Variants in TEF observed in about 807,000 individuals in gnomAD.
The protein encoded by TEF is thyrotroph embryonic factor.
TEF carries 3 observed loss-of-function variants against 20.8 expected under a neutral mutation model. The ratio of observed to expected loss-of-function variants is 0.14; its 90% CI spans 0.07 to 0.37. The LOEUF (loss-of-function observed/expected upper bound fraction) is 0.37, where lower values mean the gene tolerates loss of function less well. Among genes scored for constraint, TEF ranks in the 10% least tolerant of loss-of-function variants. The pLI is 1.00. For missense variants in TEF, 296 were observed against 397.9 expected (o/e 0.74, Z 2.18); for synonymous variants, 180 against 171.1 (o/e 1.05, Z -0.41).
At chr22:41,378,562 T>C (rs2036976273), upstream of TEF, among the ~76,000 whole-genome samples, 1 of 152,082 alleles carries the variant, frequency 6.6e-6, no homozygotes, top group East Asian at 1.9e-4. Flanking sequence ...GCCAGTATGG[T>C]CTCGATCTCC....
chr22:41,394,905 C>T (rs918341033), intron 3 of TEF, among the ~76,000 whole-genome samples: 1 of 152,202 alleles, frequency 6.6e-6, no homozygotes, highest in African/African-American at 2.4e-5. Context: ...GAACCTCCCT[C>T]CCGGGGAGGT....
intron 2 of TEF, among the ~76,000 whole-genome samples, chr22:41,388,729 T>A (rs759242481): frequency 9.9e-5 from 15 of 152,152 alleles, no homozygotes; most frequent in Non-Finnish European, 1.9e-4. Flanking sequence ...GAGACATGGC[T>A]CCTGTTGCAG....
chr22:41,381,944 A>G lies in TEF; in HGVS notation c.-101A>G. ...CGGGGGCGCCATTGGGCGCCTGCGC[A>G]GTAGCTGCCCGTGTCGGCAGCTGCA... is the stretch of plus-strand genomic sequence containing the variant. On this transcript the variant is annotated 5_prime_UTR_variant, in exon 1 of 4. Coordinates refer to ENST00000266304, the MANE Select transcript of TEF (RefSeq NM_003216.4). 8.2e-7 allele frequency: 1 copy of G among 1,225,796 alleles called. No individual in the cohort carries two copies. Among genetic ancestry groups the G allele is most frequent in the Non-Finnish European group, 1.0e-6 (1 of 984,666 alleles). The allele number at this position is 1,225,796 out of a possible 1,614,324, so 75.9% of individuals were successfully genotyped here. A position where few individuals can be genotyped will look rare whatever the true frequency, so the allele number is the denominator to read the frequency against.
chr22:41,371,565 T>G (rs1734457382), intron 1 of TEF, among the ~76,000 whole-genome samples: 1 of 152,220 alleles, frequency 6.6e-6, no homozygotes, highest in East Asian at 1.9e-4. Flanking sequence ...TTGCCAAGAT[T>G]AAGTGAGTTA....
intron 1 of TEF, among the ~76,000 whole-genome samples, chr22:41,384,030 G>A (rs2037066277): frequency 6.6e-6 from 1 of 152,222 alleles, no homozygotes; most frequent in Non-Finnish European, 1.5e-5. Flanking sequence ...ATTTGTATTA[G>A]AAAGCCATGA....
chr22:41,394,081 C>T lies in TEF; in HGVS notation c.476-15C>T, dbSNP rs760626763. 2.2e-5 allele frequency: 36 copies of T among 1,612,472 alleles called. No homozygotes were observed. Among genetic ancestry groups the T allele is most frequent in the Non-Finnish European group, 3.1e-5 (36 of 1,179,112 alleles). On this transcript the variant is annotated splice_polypyrimidine_tract_variant and intron_variant, in intron 2 of 3. Coordinates refer to ENST00000266304, the MANE Select transcript of TEF (RefSeq NM_003216.4). ...AGTGGGCTGCTTCGGGACCACCTGTCTCTGTGTCTTTTAGAATCTTCCCTG... is the reference window on the plus strand; with the variant it reads ...AGTGGGCTGCTTCGGGACCACCTGTTTCTGTGTCTTTTAGAATCTTCCCTG...
chr22:41,382,840 A>C (rs911027022), intron 1 of TEF: 1 of 467,174 alleles, frequency 2.1e-6, no homozygotes, highest in East Asian at 7.0e-5. Flanking sequence ...TGGGCCAAGC[A>C]GAGAAACGAT....
chr22:41,387,556 G>A lies in TEF; in HGVS notation c.363G>A (p.Leu121=). Residue 121 remains leucine (L), a synonymous_variant, in exon 2 of 4, where the codon CTG becomes CTA. Coordinates refer to ENST00000266304, the MANE Select transcript of TEF (RefSeq NM_003216.4). ...PASPTHLAHN[L]LLPVAELEGK... ...GCCCCACCCACCTGGCCCACAACCT[G>A]CTGCTGCCTGTAGCAGAGCTAGAAG... 1 of 1,614,214 alleles carries A rather than the reference G, an allele frequency of 6.2e-7. No individual in the cohort carries two copies. The highest frequency in any genetic ancestry group is 1.1e-5 in the South Asian group (1 of 91,084).
intron 2 of TEF, among the ~76,000 whole-genome samples, chr22:41,389,921 C>T (rs964321200): frequency 6.0e-5 from 9 of 149,940 alleles, no homozygotes; most frequent in Non-Finnish European, 1.0e-4. Context: ...TTTTTTGAGA[C>T]GGAGTCTTGC....
chr22:41,381,804 T>C, upstream of TEF: 1 of 1,051,216 alleles, frequency 9.5e-7, no homozygotes, highest in Non-Finnish European at 1.2e-6. Context: ...GATCTGCGCC[T>C]GCCCCTCTCG....
upstream of TEF, among the ~76,000 whole-genome samples, chr22:41,380,581 C>T (rs1207071757): frequency 6.6e-6 from 1 of 152,192 alleles, no homozygotes; most frequent in African/African-American, 2.4e-5. Context: ...GCTAGAAGGG[C>T]TGGGCCACTG....
intron 2 of TEF, among the ~76,000 whole-genome samples, chr22:41,389,269 C>T (rs997081250): frequency 3.3e-5 from 5 of 151,990 alleles, no homozygotes; most frequent in Non-Finnish European, 7.4e-5. Context: ...GGTGTGGTGG[C>T]GGGTGCCTAT....
chr22:41,379,251 T>C (rs1278165548), upstream of TEF, among the ~76,000 whole-genome samples: 1 of 151,952 alleles, frequency 6.6e-6, no homozygotes, highest in Non-Finnish European at 1.5e-5. Context: ...GGCAGGAGAA[T>C]GGCGGGAAGC....
rs2037234763 is a variant in TEF at position 41,396,805 on chromosome 22, C to G, written c.*845C>G. 2.5e-6 allele frequency: 1 copy of G among 397,110 alleles called. No individual in the cohort carries two copies. The highest frequency in any genetic ancestry group is 4.4e-6 in the Non-Finnish European group (1 of 225,680). The allele number at this position is 397,110 out of a possible 1,614,324, so 24.6% of individuals were successfully genotyped here. A position where few individuals can be genotyped will look rare whatever the true frequency, so the allele number is the denominator to read the frequency against. ...GACCAGGCCTCTGGGCCTGCTCTTT[C>G]TTTCCACCCAATGTCCAGTCTTGGA... On this transcript the variant is annotated 3_prime_UTR_variant, in exon 4 of 4. Coordinates refer to ENST00000266304, the MANE Select transcript of TEF (RefSeq NM_003216.4).
At position 41,395,969 on chromosome 22, in the gene TEF, C is replaced by G. The variant is rs1034124077; in HGVS notation, c.*9C>G. ...AATACGGGCCCTTGTAACCCGTGCC[C>G]CCCGCCCGGGCGGGGTACTGCCTGC... On this transcript the variant is annotated 3_prime_UTR_variant, in exon 4 of 4. Transcript: ENST00000266304. 1.2e-6 allele frequency: 2 copies of G among 1,605,578 alleles called. No homozygotes were observed. The highest frequency in any genetic ancestry group is 1.7e-6 in the Non-Finnish European group (2 of 1,173,004).
intron 1 of TEF, 81 bp from the exon 2 acceptor site, chr22:41,387,270 G>A (rs1355948776): frequency 1.4e-6 from 2 of 1,481,334 alleles, no homozygotes; most frequent in Admixed American, 3.5e-5. Flanking sequence ...AGATGGGCCA[G>A]GCCTGTGAGG....
chr22:41,368,587 G>A (rs1569249473), intron 1 of TEF, among the ~76,000 whole-genome samples: 1 of 152,202 alleles, frequency 6.6e-6, no homozygotes, highest in Non-Finnish European at 1.5e-5. Flanking sequence ...CTGGAACTGG[G>A]TGTGGGTTTG....
Position 41,394,157 on chromosome 22 carries a change from G to A in TEF, c.537G>A (p.Val179=). The A allele has an allele frequency of 6.2e-7, 1 of 1,614,190 alleles. No homozygotes were observed. Among genetic ancestry groups the A allele is most frequent in the Non-Finnish European group, 8.5e-7 (1 of 1,180,040 alleles). ...PSPIDPNCVE[V]DVNFNPDPAD... ...CCATCGACCCCAATTGTGTGGAAGT[G>A]GATGTGAACTTCAATCCGGACCCCG... The change falls in exon 3 of 4, where the codon GTG becomes GTA. Residue 179 remains valine (V), a synonymous_variant. Transcript: ENST00000266304.
In TEF at chr22:41,397,242, A is replaced by T; in HGVS notation, c.*1282A>T. 2.5e-6 allele frequency: 1 copy of T among 397,636 alleles called. No homozygotes were observed. Among genetic ancestry groups the T allele is most frequent in the Non-Finnish European group, 4.4e-6 (1 of 225,780 alleles). 24.6% of individuals were successfully genotyped at this position (397,636 alleles called of 1,614,324 possible). ...ATGGGGGCCACTCGTGAGGCTGGCC[A>T]TGCTGTGGCTTCTCACAGCTGTGGT... On this transcript the variant is annotated 3_prime_UTR_variant, in exon 4 of 4. Coordinates refer to ENST00000266304, the MANE Select transcript of TEF (RefSeq NM_003216.4).
Sources: allele counts gnomAD v4.1 joint callset (sites outside exome capture counted in the v4.1 genomes callset), GRCh38; gene constraint gnomAD v4.1.1; transcripts MANE v1.5; gene names NCBI Gene and HGNC (gene_info 2026-07-23, HGNC 2026-07-21).